CD55: variants seen among roughly 807,000 people sequenced by gnomAD.
CD55 encodes CD55 molecule (Cromer blood group).
In CD55, 41 loss-of-function variants were observed where a neutral mutation model predicts 45.8. The observed-to-expected ratio is 0.90, with a 90% CI of 0.70 to 1.16. CD55 has a LOEUF of 1.16. Among genes scored for constraint, CD55 ranks in the 50% most tolerant of loss-of-function variants. CD55 has a pLI of 0.00. For missense variants in CD55, 416 were observed against 469.8 expected (o/e 0.89, Z 1.06); for synonymous variants, 181 against 181.1 (o/e 1.00, Z 0.01).
intron 2 of CD55, among the ~76,000 whole-genome samples, chr1:207,323,224 G>T (rs1033426340): frequency 1.3e-5 from 2 of 150,426 alleles, no homozygotes; most frequent in East Asian, 3.9e-4. Flanking sequence ...ATATAATTGG[G>T]ATATATATAA....
At chr1:207,352,147 T>C (rs781155177) in intron 9 of CD55, among the ~76,000 whole-genome samples, 6 of 152,068 alleles carry the variant, frequency 3.9e-5, no homozygotes, top group Non-Finnish European at 5.9e-5. Context: ...TGACTAATGT[T>C]ACAGAACTTT....
At position 207,322,450 on chromosome 1, in the gene CD55, G is replaced by T. The variant is rs369907962; in HGVS notation, c.169G>T (p.Glu57Ter). The T allele has an allele frequency of 2.5e-6, 4 of 1,614,092 alleles. No homozygotes were observed. The highest frequency in any genetic ancestry group is 1.7e-6 in the Non-Finnish European group (2 of 1,180,038). The change falls in exon 2 of 10, where the codon GAG becomes TAG. Residue 57 changes from glutamate to a stop codon, truncating the protein, a stop_gained. Transcript: ENST00000367064. LOFTEE classifies it high-confidence loss of function. ...PALEGRTSFP[E>*]DTVITYKCEE... ...TTTGGAAGGCCGTACAAGTTTTCCC[G>T]AGGATACTGTAATAACGTACAAATG...
intron 9 of CD55, among the ~76,000 whole-genome samples, chr1:207,351,647 G>A (rs1229691534): frequency 6.6e-6 from 1 of 152,148 alleles, no homozygotes; most frequent in African/African-American, 2.4e-5. Context: ...GATTCCAACT[G>A]TTGGAATTCA....
In CD55 at chr1:207,353,663, G is replaced by A. The variant is rs1405068276; in HGVS notation, c.1082-5883G>A. Among the ~76,000 whole-genome samples, 3 of 152,208 alleles carry A rather than the reference G, an allele frequency of 2.0e-5. No individual in the cohort carries two copies. The East Asian group carries it at 5.8e-4, about 29-fold the overall frequency. ...GATAATATAATCATATAATCTTTCT[G>A]TGATACGTTTAGTCTGGAAAAGGAA... is the stretch of plus-strand genomic sequence containing the variant. On this transcript the variant is annotated intron_variant, in intron 9 of 9. Coordinates refer to ENST00000367064, the MANE Select transcript of CD55 (RefSeq NM_000574.5).
intron 8 of CD55, 107 bp from the exon 9 acceptor site, chr1:207,339,290 C>T: frequency 1.3e-6 from 1 of 744,678 alleles, no homozygotes; most frequent in Non-Finnish European, 2.3e-6. Flanking sequence ...ATTTGAGTTG[C>T]TTTCGAGTTT....
chr1:207,325,538 A>AT, intron 3 of CD55, 84 bp from the exon 4 acceptor site: 1 of 730,086 alleles, frequency 1.4e-6, no homozygotes, highest in South Asian at 1.9e-5. Context: ...GCTAATTAAC[A>AT]TATCTACCAC....
chr1:207,347,050 G>A (rs952221531), intron 9 of CD55: 3 of 454,284 alleles, frequency 6.6e-6, no homozygotes, highest in African/African-American at 6.0e-5. Flanking sequence ...TTGCTTTGGT[G>A]CATCCTGTCA....
In CD55 at chr1:207,359,536, T is replaced by TTTC. The variant is rs56253023; in HGVS notation, c.1082-10_1082-9insTTC. ...TTTAACTTTTTTTTTTTTTTTTTTTTAATTTTCAGGGCACACGTGTTTCAC... is the reference window on the plus strand; with the variant it reads ...TTTAACTTTTTTTTTTTTTTTTTTTTTTCAATTTTCAGGGCACACGTGTTTCAC... On this transcript the variant is annotated splice_polypyrimidine_tract_variant and intron_variant, in intron 9 of 9. Transcript: ENST00000367064. 1.1e-4 allele frequency: 177 copies of TTTC among 1,542,112 alleles called. No individual in the cohort carries two copies. Among genetic ancestry groups the TTTC allele is most frequent in the Middle Eastern group, 8.7e-4 (5 of 5,778 alleles).
intron 9 of CD55, among the ~76,000 whole-genome samples, chr1:207,355,901 A>G (rs540407464): frequency 6.6e-6 from 1 of 152,314 alleles, no homozygotes; most frequent in African/African-American, 2.4e-5. Flanking sequence ...CTGTCAAAAA[A>G]TTTTATTTGA....
Position 207,337,351 on chromosome 1 carries a change from C to G in CD55, c.1002C>G (p.Ser334=), listed in dbSNP as rs1655228770. The change falls in exon 8 of 10, where the codon TCC becomes TCG. Residue 334 remains serine, a synonymous_variant. Coordinates refer to ENST00000367064, the MANE Select transcript of CD55 (RefSeq NM_000574.5). ...CAGCAACACGGAGTACACCTGTTTC[C>G]AGGACAACCAAGCATTTTCATGAAA... ...NAQATRSTPV[S]RTTKHFHETT... 1 of 1,610,524 alleles carries G rather than the reference C, an allele frequency of 6.2e-7. No individual in the cohort carries two copies. The highest frequency in any genetic ancestry group is 1.3e-5 in the African/African-American group (1 of 74,820).
chr1:207,331,560 G>C (rs1258327965), intron 6 of CD55, among the ~76,000 whole-genome samples: 1 of 151,878 alleles, frequency 6.6e-6, no homozygotes, highest in Non-Finnish European at 1.5e-5. Flanking sequence ...GCTTACATTT[G>C]CTGTTTTATA....
intron 5 of CD55, among the ~76,000 whole-genome samples, chr1:207,329,039 A>G (rs1654813853): frequency 1.3e-5 from 2 of 152,042 alleles, no homozygotes. Flanking sequence ...TCCACCCTCC[A>G]TTGTCTGTTG....
At chr1:207,331,550 G>A (rs1302859028) in intron 6 of CD55, among the ~76,000 whole-genome samples, 2 of 151,974 alleles carry the variant, frequency 1.3e-5, no homozygotes, top group African/African-American at 2.4e-5. Flanking sequence ...TGGCAAATTT[G>A]CTTACATTTG....
At chr1:207,344,661 C>A (rs1424756830) in intron 9 of CD55, among the ~76,000 whole-genome samples, 1 of 151,538 alleles carries the variant, frequency 6.6e-6, no homozygotes, top group Non-Finnish European at 1.5e-5. Flanking sequence ...TTAGAACTCT[C>A]TCTGTCTTTG....
intron 2 of CD55, among the ~76,000 whole-genome samples, chr1:207,323,238 GATAT>G (rs1266172240): frequency 6.6e-6 from 1 of 150,644 alleles, no homozygotes; most frequent in Non-Finnish European, 1.5e-5. Flanking sequence ...TATATAAGGA[GATAT>G]ATATAGGGAG....
In CD55 at chr1:207,356,833, T is replaced by A. The variant is rs151134808; in HGVS notation, c.1082-2713T>A. ...TAATGTTAAGTATAAATGTCACGAT[T>A]GGCTCTGATGTGTCCTGTAGACAGA... On this transcript the variant is annotated intron_variant, in intron 9 of 9. Transcript: ENST00000367064. Among the ~76,000 whole-genome samples, 635 of 152,334 alleles carry A rather than the reference T, an allele frequency of 4.2e-3. 5 individuals carry two copies. Among genetic ancestry groups the A allele is most frequent in the African/African-American group, 0.014 (601 of 41,576 alleles).
intron 9 of CD55, among the ~76,000 whole-genome samples, chr1:207,356,638 G>A (rs1656086852): frequency 6.6e-6 from 1 of 151,960 alleles, no homozygotes; most frequent in Admixed American, 6.5e-5. Context: ...GACAAATGGG[G>A]GAAATATAGT....
In CD55 at chr1:207,322,459, G is replaced by A. The variant is rs1654462365; in HGVS notation, c.178G>A (p.Val60Ile). The A allele has an allele frequency of 1.9e-6, 3 of 1,614,214 alleles. No homozygotes were observed. In the African/African-American group the frequency reaches 4.0e-5, roughly 22 times the overall value. Residue 60 changes from valine (V) to isoleucine (I), a missense_variant, in exon 2 of 10, where the codon GTA becomes ATA. Val to Ile is a conservative substitution (Grantham distance 29). This residue lies in a region of CD55 where 123 missense variants were observed against 105.1 expected (regional missense o/e 1.17). Coordinates refer to ENST00000367064, the MANE Select transcript of CD55 (RefSeq NM_000574.5). ...EGRTSFPEDT[V>I]ITYKCEESFV... ...CCGTACAAGTTTTCCCGAGGATACTGTAATAACGTACAAATGTGAAGAAAG... is the reference window on the plus strand; with the variant it reads ...CCGTACAAGTTTTCCCGAGGATACTATAATAACGTACAAATGTGAAGAAAG...
chr1:207,359,157 TTC>T (rs1185113076), intron 9 of CD55, among the ~76,000 whole-genome samples: 26 of 152,170 alleles, frequency 1.7e-4, no homozygotes, highest in African/African-American at 4.8e-4. Flanking sequence ...CTGTAAAACT[TTC>T]TGAGTGTCTT....
Sources: allele counts gnomAD v4.1 joint callset (sites outside exome capture counted in the v4.1 genomes callset), GRCh38; gene constraint gnomAD v4.1.1; regional missense constraint gnomAD v4.1.1; transcripts MANE v1.5; gene names NCBI Gene and HGNC (gene_info 2026-07-23, HGNC 2026-07-21).